CTNND2: variants seen among roughly 807,000 people sequenced by gnomAD.
CTNND2 encodes catenin delta-2.
CTNND2 carries 22 observed loss-of-function variants against 144.4 expected under a neutral mutation model. The observed-to-expected ratio is 0.15, with a 90% CI of 0.11 to 0.22. CTNND2 has a LOEUF of 0.22. Ranked by LOEUF, CTNND2 falls within the 10% of genes least tolerant of loss-of-function variation. The pLI, the probability that CTNND2 is intolerant of heterozygous loss-of-function variation, is 1.00. For missense variants in CTNND2, 1,353 were observed against 1,618.8 expected (o/e 0.84, Z 2.82); for synonymous variants, 751 against 695.6 (o/e 1.08, Z -1.25).
At chr5:11,124,114 A>C (rs957104825) in intron 12 of CTNND2, among the ~76,000 whole-genome samples, 1 of 152,152 alleles carries the variant, frequency 6.6e-6, no homozygotes, top group Admixed American at 6.5e-5. Context: ...ACTCATGACA[A>C]TCTTTTAATT....
intron 1 of CTNND2, among the ~76,000 whole-genome samples, chr5:11,765,428 G>C (rs1394757821): frequency 6.6e-6 from 1 of 152,088 alleles, no homozygotes; most frequent in Non-Finnish European, 1.5e-5. Flanking sequence ...GGGGAGCAAA[G>C]ACCAGAAGAA....
intron 2 of CTNND2, among the ~76,000 whole-genome samples, chr5:11,703,343 G>A (rs76512735): frequency 0.076 from 11,524 of 152,180 alleles, 799 homozygotes; most frequent in African/African-American, 0.19. Context: ...TCTATTTGGT[G>A]GATTATTCCA....
chr5:11,455,376 T>A (rs1765642007), intron 3 of CTNND2, among the ~76,000 whole-genome samples: 1 of 152,176 alleles, frequency 6.6e-6, no homozygotes, highest in African/African-American at 2.4e-5. Flanking sequence ...TTTTTCTAAT[T>A]CACGTAATCG....
chr5:11,428,248 T>A (rs116391667), intron 3 of CTNND2, among the ~76,000 whole-genome samples: 2 of 152,224 alleles, frequency 1.3e-5, no homozygotes, highest in Non-Finnish European at 2.9e-5. Flanking sequence ...AAGCCTTCAG[T>A]AGTTTTTTAA....
intron 2 of CTNND2, among the ~76,000 whole-genome samples, chr5:11,662,130 C>T (rs1174868510): frequency 7.9e-6 from 1 of 126,046 alleles, no homozygotes; most frequent in African/African-American, 3.5e-5. Context: ...TATATATATA[C>T]ATATATGTAT....
chr5:11,025,218 T>C (rs1407943788), intron 16 of CTNND2, among the ~76,000 whole-genome samples: 4 of 152,378 alleles, frequency 2.6e-5, no homozygotes, highest in Admixed American at 1.3e-4. Context: ...CAGGTAATAT[T>C]ATTCCACGGA....
chr5:11,233,831 T>C (rs1741321186), intron 10 of CTNND2, among the ~76,000 whole-genome samples: 1 of 152,170 alleles, frequency 6.6e-6, no homozygotes, highest in Non-Finnish European at 1.5e-5. Flanking sequence ...CTCTGTGTTT[T>C]ATTTAAGCCT....
At chr5:11,853,355 C>T (rs977080616) in intron 1 of CTNND2, among the ~76,000 whole-genome samples, 2 of 152,116 alleles carry the variant, frequency 1.3e-5, no homozygotes, top group African/African-American at 4.8e-5. Flanking sequence ...CTTCACTGGC[C>T]ACTTCTCCCT....
At chr5:11,575,133 G>A (rs1009269526) in intron 2 of CTNND2, among the ~76,000 whole-genome samples, 2 of 152,098 alleles carry the variant, frequency 1.3e-5, no homozygotes, top group Non-Finnish European at 2.9e-5. Context: ...CACTAACAAC[G>A]CTTTCCTGAA....
At chr5:11,750,401 T>C (rs1311637987) in intron 1 of CTNND2, among the ~76,000 whole-genome samples, 1 of 151,904 alleles carries the variant, frequency 6.6e-6, no homozygotes, top group Non-Finnish European at 1.5e-5. Context: ...ACAGAGGATA[T>C]GTTGCTTGAG....
intron 1 of CTNND2, among the ~76,000 whole-genome samples, chr5:11,756,194 A>G (rs952808641): frequency 6.6e-6 from 1 of 151,754 alleles, no homozygotes; most frequent in African/African-American, 2.4e-5. Flanking sequence ...CTAGGCTGCA[A>G]GCACTACAAA....
chr5:11,182,210 G>C (rs1735143372), intron 11 of CTNND2, among the ~76,000 whole-genome samples: 2 of 150,068 alleles, frequency 1.3e-5, no homozygotes, highest in Non-Finnish European at 3.0e-5. Context: ...GTGTGGGTGT[G>C]TGTGTAGTGT....
intron 12 of CTNND2, among the ~76,000 whole-genome samples, chr5:11,127,154 C>T (rs894666117): frequency 6.6e-5 from 10 of 152,244 alleles, no homozygotes; most frequent in Admixed American, 6.5e-4. Flanking sequence ...AGCCTGGCAT[C>T]CTCAGCCAGT....
intron 3 of CTNND2, among the ~76,000 whole-genome samples, chr5:11,562,367 A>C (rs1776753161): frequency 1.3e-5 from 2 of 152,306 alleles, no homozygotes; most frequent in East Asian, 3.9e-4. Context: ...ATCACCTTTA[A>C]TGAAAACTTG....
At chr5:11,181,689 GGT>G (rs199697662) in intron 11 of CTNND2, among the ~76,000 whole-genome samples, 2,232 of 151,234 alleles carry the variant, frequency 0.015, 43 homozygotes, top group Admixed American at 0.05. Context: ...GTGTCTGTGT[GGT>G]GTGTGTGTGG....
rs1321494154 is a variant in CTNND2 at position 10,999,477 on chromosome 5, G to T, written c.3085-6800C>A. Among the ~76,000 whole-genome samples the T allele has an allele frequency of 3.3e-5, 5 of 152,294 alleles. No homozygotes were observed. The East Asian group carries it at 9.6e-4, about 29-fold the overall frequency. ...CATAGGGGTTAGATAAGAAAGCCCA[G>T]GGAAGAAGCAGGGAGAGTGAAGAAT... is the stretch of plus-strand genomic sequence containing the variant. On this transcript the variant is annotated intron_variant, in intron 18 of 21. Coordinates refer to ENST00000304623, the MANE Select transcript of CTNND2 (RefSeq NM_001332.4).
At chr5:11,087,547 A>G (rs2149645773) in intron 15 of CTNND2, among the ~76,000 whole-genome samples, 1 of 152,352 alleles carries the variant, frequency 6.6e-6, no homozygotes, top group South Asian at 2.1e-4. Context: ...CAATGGATAT[A>G]GAAGTCAGGT....
intron 2 of CTNND2, among the ~76,000 whole-genome samples, chr5:11,605,615 C>A (rs1780004050): frequency 6.6e-6 from 1 of 151,894 alleles, no homozygotes; most frequent in South Asian, 2.1e-4. Flanking sequence ...TTAATGTGAC[C>A]CTATCTAGAA....
intron 2 of CTNND2, among the ~76,000 whole-genome samples, chr5:11,646,089 T>C (rs1050546265): frequency 4.6e-5 from 7 of 152,158 alleles, no homozygotes; most frequent in African/African-American, 7.2e-5. Flanking sequence ...CCTTTTTTCT[T>C]CTCTGTCCTT....
Sources: allele counts gnomAD v4.1 joint callset (sites outside exome capture counted in the v4.1 genomes callset), GRCh38; gene constraint gnomAD v4.1.1; transcripts MANE v1.5; gene names NCBI Gene and HGNC (gene_info 2026-07-23, HGNC 2026-07-21).